The following PLA2G4A variants were observed in gnomAD, a reference collection of about 807,000 sequenced individuals.
PLA2G4A encodes cytosolic phospholipase A2.
Under a neutral mutation model 81.9 loss-of-function variants are expected in PLA2G4A, and 40 were observed. That is an observed-to-expected ratio of 0.49 (90% CI 0.38 to 0.64). The LOEUF is 0.64. Among genes scored for constraint, PLA2G4A ranks in the 30% least tolerant of loss-of-function variants. The pLI, the probability that PLA2G4A is intolerant of heterozygous loss-of-function variation, is 0.00. For synonymous variants in PLA2G4A, 302 were observed against 296.9 expected (o/e 1.02, Z -0.18); for missense variants, 715 against 905.1 (o/e 0.79, Z 2.69).
At position 186,963,896 on chromosome 1, in the gene PLA2G4A, T is replaced by C. The variant is rs563831289; in HGVS notation, c.1580-1513T>C. ...TCATTGGTGTTTTTACTTCAACTTT[T>C]ATTTATAAAGAGGATTATGGATTTA... is the stretch of plus-strand genomic sequence containing the variant. On this transcript the variant is annotated intron_variant, in intron 14 of 17. Transcript: ENST00000367466. 2.0e-5 allele frequency among the ~76,000 whole-genome samples: 3 copies of C among 152,366 alleles called. No homozygotes were observed. The South Asian group carries it at 6.2e-4, about 32-fold the overall frequency.
intron 7 of PLA2G4A, among the ~76,000 whole-genome samples, chr1:186,916,610 C>T (rs1655147796): frequency 6.6e-6 from 1 of 152,096 alleles, no homozygotes; most frequent in Non-Finnish European, 1.5e-5. Context: ...TATGAGTCCC[C>T]ACCAGTCTTC....
intron 7 of PLA2G4A, among the ~76,000 whole-genome samples, chr1:186,915,388 G>T (rs1160236098): frequency 2.0e-5 from 3 of 152,182 alleles, no homozygotes; most frequent in Admixed American, 6.5e-5. Flanking sequence ...GTAACTGTAT[G>T]ATTCGGTTGA....
chr1:186,960,278 G>A (rs952646777), intron 14 of PLA2G4A, among the ~76,000 whole-genome samples: 2 of 152,132 alleles, frequency 1.3e-5, no homozygotes, highest in Non-Finnish European at 2.9e-5. Flanking sequence ...AGTTAATTTA[G>A]GCTAGAGTTC....
intron 13 of PLA2G4A, among the ~76,000 whole-genome samples, chr1:186,951,548 A>G (rs138054428): frequency 6.6e-6 from 1 of 152,154 alleles, no homozygotes; most frequent in African/African-American, 2.4e-5. Flanking sequence ...GTCCTATTAC[A>G]GTTTGAATAT....
intron 13 of PLA2G4A, among the ~76,000 whole-genome samples, chr1:186,953,835 G>T (rs1656649932): frequency 6.6e-6 from 1 of 152,164 alleles, no homozygotes; most frequent in Non-Finnish European, 1.5e-5. Context: ...TGAATAAGAA[G>T]AAGAAAAGTA....
chr1:186,833,154 C>T (rs1370824420), intron 1 of PLA2G4A, among the ~76,000 whole-genome samples: 5 of 152,054 alleles, frequency 3.3e-5, no homozygotes, highest in Non-Finnish European at 7.4e-5. Flanking sequence ...ACCTGTAATC[C>T]CAACACTTTG....
intron 17 of PLA2G4A, among the ~76,000 whole-genome samples, chr1:186,985,777 G>C (rs2102308192): frequency 6.6e-6 from 1 of 152,122 alleles, no homozygotes; most frequent in Middle Eastern, 3.4e-3. Context: ...GAGATATGAG[G>C]GCTTTTGCTG....
At chr1:186,830,964 TTCTTTCTTTC>T (rs1651549290) in intron 1 of PLA2G4A, among the ~76,000 whole-genome samples, 2 of 60,334 alleles carry the variant, frequency 3.3e-5, no homozygotes, top group African/African-American at 1.4e-4. Flanking sequence ...CTTGCTTTCT[TTCTTTCTTTC>T]TTTCTTTCTT....
At chr1:186,970,418 C>T (rs1354340325) in intron 15 of PLA2G4A, among the ~76,000 whole-genome samples, 1 of 151,792 alleles carries the variant, frequency 6.6e-6, no homozygotes, top group African/African-American at 2.4e-5. Context: ...TGATGTGATC[C>T]CATTTGTTCA....
intron 7 of PLA2G4A, 30 bp downstream of exon 7, chr1:186,911,419 T>C: frequency 6.6e-7 from 1 of 1,504,514 alleles, no homozygotes; most frequent in Non-Finnish European, 9.3e-7. Flanking sequence ...AGTGTTACTA[T>C]ACTTTAATAA....
At chr1:186,924,418 C>T (rs530278686) in intron 7 of PLA2G4A, among the ~76,000 whole-genome samples, 2 of 152,296 alleles carry the variant, frequency 1.3e-5, no homozygotes, top group Admixed American at 1.3e-4. Flanking sequence ...TGTCTCCTTA[C>T]ATTTTGAAAC....
intron 15 of PLA2G4A, among the ~76,000 whole-genome samples, chr1:186,969,764 T>C (rs186641530): frequency 4.6e-5 from 7 of 152,124 alleles, no homozygotes; most frequent in Middle Eastern, 3.4e-3. Context: ...GTCTGAATAA[T>C]ATTCTATAGT....
intron 1 of PLA2G4A, among the ~76,000 whole-genome samples, chr1:186,843,447 C>T (rs1010282512): frequency 6.6e-6 from 1 of 152,078 alleles, no homozygotes; most frequent in African/African-American, 2.4e-5. Flanking sequence ...ATCCTTCAGT[C>T]AATAGTAATT....
chr1:186,906,858 T>G (rs922532108), intron 5 of PLA2G4A, 107 bp from the exon 6 acceptor site: 27 of 664,266 alleles, frequency 4.1e-5, no homozygotes, highest in Non-Finnish European at 2.7e-6. Context: ...GGTTTTGTTT[T>G]TTTGATTAAA....
chr1:186,864,380 G>A (rs1245739868), intron 2 of PLA2G4A, among the ~76,000 whole-genome samples: 1 of 151,864 alleles, frequency 6.6e-6, no homozygotes, highest in Non-Finnish European at 1.5e-5. Flanking sequence ...CCTCCATACT[G>A]TTTTACACAA....
intron 2 of PLA2G4A, among the ~76,000 whole-genome samples, chr1:186,865,100 A>G (rs1199700073): frequency 6.7e-6 from 1 of 148,570 alleles, no homozygotes; most frequent in East Asian, 1.9e-4. Flanking sequence ...ACATATATAT[A>G]TATATAAAAT....
intron 2 of PLA2G4A, among the ~76,000 whole-genome samples, chr1:186,860,619 A>G (rs1250363189): frequency 6.6e-6 from 1 of 152,192 alleles, no homozygotes; most frequent in Non-Finnish European, 1.5e-5. Flanking sequence ...TTTAATCTGG[A>G]CAACACATGG....
At chr1:186,830,956 T>TTC (rs1558339014) in intron 1 of PLA2G4A, among the ~76,000 whole-genome samples, 13 of 65,364 alleles carry the variant, frequency 2.0e-4, no homozygotes, top group South Asian at 1.5e-3. Flanking sequence ...CTTGCTTGCT[T>TTC]GCTTTCTTTC....
chr1:186,879,113 CTG>C (rs957117848), intron 3 of PLA2G4A, among the ~76,000 whole-genome samples: 8 of 151,874 alleles, frequency 5.3e-5, no homozygotes, highest in African/African-American at 1.4e-4. Flanking sequence ...CTGAGGGTCT[CTG>C]TAAATTTTAC....
Sources: gnomAD v4.1 joint callset for allele counts (sites outside exome capture counted in the v4.1 genomes callset) on GRCh38, gnomAD v4.1.1 for gene constraint, MANE v1.5 for transcripts, NCBI Gene and HGNC (gene_info 2026-07-23, HGNC 2026-07-21) for gene names.